The following CIMAP3 variants were observed in gnomAD, a reference collection of about 807,000 sequenced individuals.
CIMAP3 encodes the protein ciliary microtubule-associated protein 3.
chr1:111,327,383 A>T, the CIMAP3 span, among the ~76,000 whole-genome samples: 1 of 152,022 alleles, frequency 6.6e-6, no homozygotes, highest in Non-Finnish European at 1.5e-5. Flanking sequence ...TGGGTTGGGG[A>T]GGAGTCCCTC....
the CIMAP3 span, among the ~76,000 whole-genome samples, chr1:111,339,471 A>C: frequency 6.6e-6 from 1 of 150,816 alleles, no homozygotes. Context: ...GTCTCAGCCC[A>C]AAATCTCCTT....
chr1:111,337,700 T>C, the CIMAP3 span, among the ~76,000 whole-genome samples: 6 of 152,236 alleles, frequency 3.9e-5, no homozygotes, highest in East Asian at 3.9e-4. Context: ...ATAAAGCAAG[T>C]CCTGAGTGAC....
At chr1:111,346,741 C>T in the CIMAP3 span, 1 of 1,578,964 alleles carries the variant, frequency 6.3e-7, no homozygotes, top group Non-Finnish European at 8.7e-7. Flanking sequence ...CTGGGAAAGA[C>T]GAAGTGGGAG....
At chr1:111,325,318 C>T in the CIMAP3 span, among the ~76,000 whole-genome samples, 710 of 152,280 alleles carry the variant, frequency 4.7e-3, 1 homozygote, top group Middle Eastern at 0.01. Context: ...TAAGTAACTT[C>T]CACAAGGTCA....
chr1:111,351,792 GAGTGGGA>G, the CIMAP3 span: 1 of 152,704 alleles, frequency 6.5e-6, no homozygotes, highest in Non-Finnish European at 1.5e-5. Flanking sequence ...GCTCAGTGTG[GAGTGGGA>G]AGGTCTTGAT....
chr1:111,333,949 G>A, the CIMAP3 span, among the ~76,000 whole-genome samples: 4 of 152,166 alleles, frequency 2.6e-5, no homozygotes, highest in Non-Finnish European at 4.4e-5. Context: ...ACAGTCCATC[G>A]TTGATCAAAA....
the CIMAP3 span, chr1:111,324,805 A>G: frequency 2.7e-5 from 27 of 985,066 alleles, no homozygotes; most frequent in Middle Eastern, 5.2e-4. Context: ...CAGAAGGTCC[A>G]TGCTATCTTC....
chr1:111,352,976 A>G, the CIMAP3 span: 2 of 152,242 alleles, frequency 1.3e-5, no homozygotes, highest in Non-Finnish European at 2.9e-5. Context: ...TAAATGCTAC[A>G]TTGTATATAA....
At chr1:111,335,127 C>CAAAAAAAAAAAAAAAA in the CIMAP3 span, among the ~76,000 whole-genome samples, 1 of 29,316 alleles carries the variant, frequency 3.4e-5, no homozygotes, top group Non-Finnish European at 6.1e-5. Context: ...GTCTCTGTCT[C>CAAAAAAAAAAAAAAAA]AAAAAAAAAA....
chr1:111,338,103 A>G, the CIMAP3 span, among the ~76,000 whole-genome samples: 2 of 150,416 alleles, frequency 1.3e-5, no homozygotes, highest in Non-Finnish European at 3.0e-5. Context: ...ACTACTGGGT[A>G]CATAACGAAA....
chr1:111,327,694 G>A, the CIMAP3 span, among the ~76,000 whole-genome samples: 23 of 152,056 alleles, frequency 1.5e-4, no homozygotes, highest in East Asian at 5.8e-4. Context: ...CTGTGGGATC[G>A]GTTGTAACAT....
At chr1:111,346,726 G>A in the CIMAP3 span, 3 of 1,593,224 alleles carry the variant, frequency 1.9e-6, no homozygotes, top group South Asian at 2.2e-5. Flanking sequence ...GGAAGGGTGG[G>A]GAAGCTGGGA....
At chr1:111,339,156 C>A in the CIMAP3 span, among the ~76,000 whole-genome samples, 2 of 151,068 alleles carry the variant, frequency 1.3e-5, no homozygotes, top group Non-Finnish European at 2.9e-5. Context: ...ATTCAAAAAC[C>A]CTTCATGCTA....
At chr1:111,348,431 G>C in the CIMAP3 span, 3 of 1,287,266 alleles carry the variant, frequency 2.3e-6, no homozygotes, top group African/African-American at 4.5e-5. Context: ...GAAAGAGGAT[G>C]ATTCTGTTTT....
the CIMAP3 span, among the ~76,000 whole-genome samples, chr1:111,326,015 T>G: frequency 6.6e-6 from 1 of 152,182 alleles, no homozygotes; most frequent in Admixed American, 6.5e-5. Context: ...GTAAACATGC[T>G]GTTTTTTTAC....
At chr1:111,334,243 T>C in the CIMAP3 span, among the ~76,000 whole-genome samples, 1 of 152,118 alleles carries the variant, frequency 6.6e-6, no homozygotes, top group African/African-American at 2.4e-5. Flanking sequence ...ATCAAAGATA[T>C]ACCAAGAAAG....
chr1:111,348,685 G>A, the CIMAP3 span: 1 of 1,527,692 alleles, frequency 6.5e-7, no homozygotes, highest in Non-Finnish European at 8.8e-7. Flanking sequence ...AACAAAAAAA[G>A]CAATAGGAGG....
chr1:111,350,333 C>A, the CIMAP3 span: 3 of 850,016 alleles, frequency 3.5e-6, no homozygotes, highest in Non-Finnish European at 3.7e-6. Context: ...AGTCCTTGGT[C>A]CCAAAAAATT....
chr1:111,334,751 T>C, the CIMAP3 span, among the ~76,000 whole-genome samples: 1,205 of 152,302 alleles, frequency 7.9e-3, 15 homozygotes, highest in African/African-American at 0.027. Context: ...ATTTTCTGAA[T>C]TGAAAGATTC....
Sources: gnomAD v4.1 joint callset for allele counts (sites outside exome capture counted in the v4.1 genomes callset) on GRCh38, gnomAD v4.1.1 for gene constraint, MANE v1.5 for transcripts, NCBI Gene and HGNC (gene_info 2026-07-23, HGNC 2026-07-21) for gene names.